The following KCNH7 variants were observed in gnomAD, a reference collection of about 807,000 sequenced individuals.
The protein encoded by KCNH7 is potassium voltage-gated channel subfamily H member 7.
KCNH7 carries 49 observed loss-of-function variants against 120.8 expected under a neutral mutation model. That is an observed-to-expected ratio of 0.41 (90% CI 0.32 to 0.51). The LOEUF is 0.51. KCNH7 is among the 20% of genes least tolerant of loss of function. The pLI, the probability that KCNH7 is intolerant of heterozygous loss-of-function variation, is 0.38. For synonymous variants in KCNH7, 547 were observed against 516.1 expected, an observed-to-expected ratio of 1.06 and a Z score of -0.81; for missense variants, 1,097 against 1,446.6, an observed-to-expected ratio of 0.76 and a Z score of 3.92.
intron 2 of KCNH7, among the ~76,000 whole-genome samples, chr2:162,568,450 C>T (rs892575999): frequency 7.2e-5 from 11 of 151,998 alleles, no homozygotes; most frequent in African/African-American, 2.7e-4. Flanking sequence ...GATGAAATCA[C>T]CTAATGACAC....
chr2:162,774,537 A>G (rs16847279), intron 2 of KCNH7, among the ~76,000 whole-genome samples: 4,624 of 151,868 alleles, frequency 0.03, 229 homozygotes, highest in African/African-American at 0.1. Flanking sequence ...ACTTAGAGCC[A>G]TAAGATTTTG....
intron 14 of KCNH7, among the ~76,000 whole-genome samples, chr2:162,376,520 A>C (rs772756986): frequency 3.3e-5 from 5 of 150,922 alleles, no homozygotes; most frequent in African/African-American, 4.9e-5. Flanking sequence ...GCCCGCCACC[A>C]CTCCCAGCTA....
intron 2 of KCNH7, among the ~76,000 whole-genome samples, chr2:162,728,446 T>A (rs1389069495): frequency 6.6e-6 from 1 of 152,224 alleles, no homozygotes; most frequent in Non-Finnish European, 1.5e-5. Flanking sequence ...CTTGTCTTTT[T>A]ATTTTCTTGA....
chr2:162,670,765 G>A (rs1425494499), intron 2 of KCNH7, among the ~76,000 whole-genome samples: 1 of 150,520 alleles, frequency 6.6e-6, no homozygotes. Context: ...ACACAAGAAA[G>A]GTGGAAAAAA....
intron 2 of KCNH7, among the ~76,000 whole-genome samples, chr2:162,763,190 T>C (rs1339957445): frequency 6.6e-6 from 1 of 152,140 alleles, no homozygotes; most frequent in African/African-American, 2.4e-5. Flanking sequence ...CATAAATGAA[T>C]GTATGCTCCT....
rs145116224 is a variant in KCNH7 at position 162,638,430 on chromosome 2, C to T, written c.308-101350G>A. Among the ~76,000 whole-genome samples, 476 of 152,066 alleles carry T rather than the reference C, an allele frequency of 3.1e-3. 1 individual carries two copies. The highest frequency in any genetic ancestry group is 0.011 in the African/African-American group (457 of 41,504). On this transcript the variant is annotated intron_variant, in intron 2 of 15. Coordinates refer to ENST00000332142, the MANE Select transcript of KCNH7 (RefSeq NM_033272.4). ...AGAAAATATTAATGGCTTAGGGTTA[C>T]AACAAATTAAATTTCTGCATTTTGA... is the stretch of plus-strand genomic sequence containing the variant.
At chr2:162,672,482 C>T (rs1242758611) in intron 2 of KCNH7, among the ~76,000 whole-genome samples, 6 of 151,774 alleles carry the variant, frequency 4.0e-5, no homozygotes, top group African/African-American at 1.4e-4. Flanking sequence ...TAGTTAAAAC[C>T]GTGTAGGATA....
chr2:162,655,164 G>T lies in KCNH7; in HGVS notation c.308-118084C>A, dbSNP rs147510504. Among the ~76,000 whole-genome samples, 847 of 152,162 alleles carry T rather than the reference G, an allele frequency of 5.6e-3. 9 individuals are homozygous for T. The highest frequency in any genetic ancestry group is 0.019 in the African/African-American group (809 of 41,540). ...AGAAAAAATAGGTATGTGAAGTAAT[G>T]CATACATTAATTAGCTTGAGTTAGT... On this transcript the variant is annotated intron_variant, in intron 2 of 15. Coordinates refer to ENST00000332142, the MANE Select transcript of KCNH7 (RefSeq NM_033272.4).
At chr2:162,487,901 G>A (rs767193599) in intron 6 of KCNH7, among the ~76,000 whole-genome samples, 11 of 152,172 alleles carry the variant, frequency 7.2e-5, no homozygotes, top group Admixed American at 2.6e-4. Flanking sequence ...AAAATGCCAC[G>A]TCTGCTACGG....
At chr2:162,470,621 T>TG (rs1175330282) in intron 6 of KCNH7, among the ~76,000 whole-genome samples, 5 of 145,200 alleles carry the variant, frequency 3.4e-5, no homozygotes, top group South Asian at 2.2e-4. Context: ...GGGAGGGAGG[T>TG]GGGGGGGTCA....
At chr2:162,674,351 G>A (rs1325896289) in intron 2 of KCNH7, among the ~76,000 whole-genome samples, 2 of 151,740 alleles carry the variant, frequency 1.3e-5, no homozygotes, top group African/African-American at 4.8e-5. Flanking sequence ...CATTTAAGAA[G>A]ATCTGAGTAA....
At chr2:162,681,767 T>C (rs1685718126) in intron 2 of KCNH7, among the ~76,000 whole-genome samples, 1 of 151,576 alleles carries the variant, frequency 6.6e-6, no homozygotes, top group African/African-American at 2.4e-5. Flanking sequence ...TATACGTGTT[T>C]AAATTACATA....
At chr2:162,722,213 G>A (rs1187219263) in intron 2 of KCNH7, among the ~76,000 whole-genome samples, 1 of 152,006 alleles carries the variant, frequency 6.6e-6, no homozygotes, top group Non-Finnish European at 1.5e-5. Context: ...AGTGTACTCA[G>A]ATAGTTTAAG....
intron 2 of KCNH7, among the ~76,000 whole-genome samples, chr2:162,604,125 A>G (rs1694652022): frequency 6.6e-6 from 1 of 152,146 alleles, no homozygotes; most frequent in African/African-American, 2.4e-5. Context: ...TCTATCTGAA[A>G]TTAAATTGAT....
intron 2 of KCNH7, among the ~76,000 whole-genome samples, chr2:162,669,174 G>A (rs1289733409): frequency 6.6e-6 from 1 of 152,084 alleles, no homozygotes; most frequent in Non-Finnish European, 1.5e-5. Flanking sequence ...GATTTTTTTA[G>A]ATTTTTGAAG....
intron 9 of KCNH7, among the ~76,000 whole-genome samples, chr2:162,402,421 C>T (rs1687092181): frequency 6.9e-6 from 1 of 144,920 alleles, no homozygotes; most frequent in African/African-American, 2.5e-5. Flanking sequence ...GTGTTGTGGC[C>T]AAATTTAGTT....
At chr2:162,518,260 A>G in intron 3 of KCNH7, 102 bp from the exon 4 acceptor site, 1 of 854,566 alleles carries the variant, frequency 1.2e-6, no homozygotes, top group South Asian at 1.8e-5. Flanking sequence ...TGTAAAAATA[A>G]TTTTGAATCA....
intron 1 of KCNH7, among the ~76,000 whole-genome samples, chr2:162,838,191 AAGGCAGATAATGG>A (rs924557452): frequency 6.6e-6 from 1 of 152,234 alleles, no homozygotes; most frequent in African/African-American, 2.4e-5. Context: ...ATTAAGTAGC[AAGGCAGATAATGG>A]AGCAGTGGTA....
At chr2:162,643,529 C>T (rs369348182) in intron 2 of KCNH7, among the ~76,000 whole-genome samples, 42 of 152,052 alleles carry the variant, frequency 2.8e-4, no homozygotes, top group African/African-American at 1.0e-3. Flanking sequence ...TGATTAACCG[C>T]CGGGCGAGGT....
Sources: allele counts gnomAD v4.1 joint callset (sites outside exome capture counted in the v4.1 genomes callset), GRCh38; gene constraint gnomAD v4.1.1; transcripts MANE v1.5; gene names NCBI Gene and HGNC (gene_info 2026-07-23, HGNC 2026-07-21).